Variants in FRMPD4 observed in about 807,000 individuals in gnomAD.
FRMPD4 encodes the protein FERM and PDZ domain containing 4, also known as FERM and PDZ domain-containing protein 4.
A neutral mutation model predicts 94.1 loss-of-function variants in FRMPD4; 22 were observed. The observed-to-expected ratio is 0.23, with a 90% CI of 0.17 to 0.33. The LOEUF (loss-of-function observed/expected upper bound fraction) is 0.33, where lower values mean the gene tolerates loss of function less well. Among genes scored for constraint, FRMPD4 ranks in the 10% least tolerant of loss-of-function variants. FRMPD4 has a pLI of 1.00. For missense variants in FRMPD4, 1,111 were observed against 1,339.9 expected (o/e 0.83, Z 2.67); for synonymous variants, 631 against 548.6 (o/e 1.15, Z -2.10).
chrX:12,173,313 T>C (rs904843001), intron 1 of FRMPD4, among the ~76,000 whole-genome samples: 14 of 112,695 alleles, frequency 1.2e-4, no homozygotes, highest in African/African-American at 4.2e-4. Context: ...ATTTGGGGCA[T>C]GGCATCACAG....
chrX:12,522,777 A>G (rs1161916221), intron 2 of FRMPD4, among the ~76,000 whole-genome samples: 1 of 109,312 alleles, frequency 9.1e-6, no homozygotes, highest in African/African-American at 3.3e-5. Flanking sequence ...TAATTTTTGT[A>G]TTTTTAGTAG....
chrX:12,450,388 A>G (rs904086714), intron 1 of FRMPD4, among the ~76,000 whole-genome samples: 1 of 111,802 alleles, frequency 8.9e-6, no homozygotes, highest in Non-Finnish European at 1.9e-5. Flanking sequence ...TTCTACCATT[A>G]TAGTGAATTG....
At chrX:12,499,221 T>C (rs771439028) in intron 2 of FRMPD4, among the ~76,000 whole-genome samples, 2 of 112,084 alleles carry the variant, frequency 1.8e-5, no homozygotes, top group East Asian at 5.6e-4. Context: ...CATCTGTAAT[T>C]TTTTAAAAAT....
At chrX:12,507,164 G>A (rs1372716510) in intron 2 of FRMPD4, among the ~76,000 whole-genome samples, 1 of 112,396 alleles carries the variant, frequency 8.9e-6, no homozygotes, top group Non-Finnish European at 1.9e-5. Context: ...GCTTTTAGCT[G>A]TTGACTCCCT....
chrX:11,926,559 A>G (rs907479878), intron 3 of FRMPD4, among the ~76,000 whole-genome samples: 8 of 112,330 alleles, frequency 7.1e-5, no homozygotes, highest in Non-Finnish European at 1.5e-4. Flanking sequence ...CTTATCCATT[A>G]CAATCAAGTA....
rs142669238 is a variant in FRMPD4 at position 12,417,000 on chromosome X, G to A, written c.42-81680G>A. ...TTGAAAAAATTCAATTTAATTTATA[G>A]ATAAGGATAATACCTTTGAGATTTA... On this transcript the variant is annotated intron_variant, in intron 1 of 16. Coordinates refer to ENST00000675598, the MANE Select transcript of FRMPD4 (RefSeq NM_001368397.1). Among the ~76,000 whole-genome samples the A allele has an allele frequency of 9.0e-5, 10 of 111,705 alleles. No individual in the cohort carries two copies. The East Asian group carries it at 2.8e-3, about 31-fold the overall frequency.
At chrX:12,564,957 G>T (rs1172056990) in intron 2 of FRMPD4, among the ~76,000 whole-genome samples, 2 of 110,475 alleles carry the variant, frequency 1.8e-5, no homozygotes, top group Non-Finnish European at 3.8e-5. Flanking sequence ...GTGGTGGCGG[G>T]TGCCTGTAAT....
Position 12,283,877 on chromosome X carries a change from A to G in FRMPD4, c.41+144865A>G, listed in dbSNP as rs191800437. Among the ~76,000 whole-genome samples, 8 of 111,898 alleles carry G rather than the reference A, an allele frequency of 7.1e-5. No individual in the cohort carries two copies. In the East Asian group the frequency reaches 2.0e-3, roughly 27 times the overall value. On this transcript the variant is annotated intron_variant, in intron 1 of 16. Coordinates refer to ENST00000675598, the MANE Select transcript of FRMPD4 (RefSeq NM_001368397.1). ...CAGGAAGTATCTCTTGAAGTTCATT[A>G]TAGCAGCATAGATTTTTCCAAATTG...
At chrX:11,843,453 T>C (rs1338905575) in intron 1 of FRMPD4, among the ~76,000 whole-genome samples, 2 of 112,186 alleles carry the variant, frequency 1.8e-5, no homozygotes, top group African/African-American at 6.5e-5. Context: ...GTGTTATACT[T>C]TTTCTTATGT....
At chrX:12,496,407 A>G (rs1342120434) in intron 1 of FRMPD4, among the ~76,000 whole-genome samples, 1 of 111,440 alleles carries the variant, frequency 9.0e-6, no homozygotes, top group East Asian at 2.8e-4. Flanking sequence ...CATAATCATC[A>G]TTTCTGGGAC....
chrX:11,823,486 C>T (rs7059380), intron 1 of FRMPD4, among the ~76,000 whole-genome samples: 5,265 of 110,570 alleles, frequency 0.048, 303 homozygotes, highest in African/African-American at 0.17. Flanking sequence ...TGAGACAAAA[C>T]TGAAATCTAT....
intron 3 of FRMPD4, among the ~76,000 whole-genome samples, chrX:12,011,146 C>T (rs2054578775): frequency 8.9e-6 from 1 of 112,397 alleles, no homozygotes; most frequent in Admixed American, 9.4e-5. Flanking sequence ...GGTTAGAAAA[C>T]TCTTACATGT....
chrX:12,453,600 G>A (rs886569912), intron 1 of FRMPD4, among the ~76,000 whole-genome samples: 3 of 111,252 alleles, frequency 2.7e-5, no homozygotes, highest in African/African-American at 9.8e-5. Context: ...TGATATCAAG[G>A]ACCATAAAGC....
Position 12,139,044 on chromosome X carries a change from G to A in FRMPD4, c.41+32G>A. The A allele has an allele frequency of 2.8e-6, 3 of 1,083,676 alleles. 1 individual carries two copies. The South Asian group carries it at 7.9e-5, about 29-fold the overall frequency. The allele number at this position is 1,083,676 out of a possible 1,213,427, so 89.3% of individuals were successfully genotyped here. A position where few individuals can be genotyped will look rare whatever the true frequency, so the allele number is the denominator to read the frequency against. On this transcript the variant is annotated intron_variant, in intron 1 of 16. Coordinates refer to ENST00000675598, the MANE Select transcript of FRMPD4 (RefSeq NM_001368397.1). ...GCTGCGCGGGTTCCGTTTGCACCCA[G>A]GGCCGCTGCCGCGGGCAACTTGGTG... is the stretch of plus-strand genomic sequence containing the variant.
chrX:12,703,448 T>C (rs925205719), intron 10 of FRMPD4, among the ~76,000 whole-genome samples: 3 of 112,012 alleles, frequency 2.7e-5, no homozygotes, highest in African/African-American at 9.7e-5. Flanking sequence ...TAGTGAAGAA[T>C]ATGAATGGTC....
At chrX:12,498,069 T>C (rs1376041761) in intron 1 of FRMPD4, among the ~76,000 whole-genome samples, 1 of 111,110 alleles carries the variant, frequency 9.0e-6, no homozygotes, top group South Asian at 3.9e-4. Context: ...GCTGAGACTG[T>C]GAGTCCCTGA....
chrX:12,583,952 C>CT (rs762521693), intron 2 of FRMPD4, among the ~76,000 whole-genome samples: 4 of 111,707 alleles, frequency 3.6e-5, no homozygotes. Context: ...TCACACGTTC[C>CT]AAAGGAGGGT....
chrX:12,619,601 C>T (rs2059268712), intron 4 of FRMPD4, among the ~76,000 whole-genome samples: 2 of 111,944 alleles, frequency 1.8e-5, no homozygotes, highest in African/African-American at 3.2e-5. Context: ...CACATCCCCC[C>T]GTGGAGTTGG....
chrX:12,001,334 T>A (rs2054523460), intron 3 of FRMPD4, among the ~76,000 whole-genome samples: 1 of 112,401 alleles, frequency 8.9e-6, no homozygotes, highest in African/African-American at 3.2e-5. Flanking sequence ...GAAATTGAAC[T>A]GAATTGGAAG....
Sources: gnomAD v4.1 joint callset for allele counts (sites outside exome capture counted in the v4.1 genomes callset) on GRCh38, gnomAD v4.1.1 for gene constraint, MANE v1.5 for transcripts, NCBI Gene and HGNC (gene_info 2026-07-23, HGNC 2026-07-21) for gene names.